RNF4: variants seen among roughly 807,000 people sequenced by gnomAD.
RNF4 encodes E3 ubiquitin-protein ligase RNF4.
Under a neutral mutation model 24.3 loss-of-function variants are expected in RNF4, and 7 were observed. The ratio of observed to expected loss-of-function variants is 0.29; its 90% CI spans 0.16 to 0.54. RNF4 has a LOEUF of 0.54. RNF4 is among the 20% of genes least tolerant of loss of function. RNF4 has a pLI of 0.95. For missense variants in RNF4, 209 were observed against 248.5 expected, an observed-to-expected ratio of 0.84 and a Z score of 1.07; for synonymous variants, 83 against 84.3, an observed-to-expected ratio of 0.98 and a Z score of 0.09.
At chr4:2,485,974 C>G (rs887128124) in intron 1 of RNF4, among the ~76,000 whole-genome samples, 1 of 152,088 alleles carries the variant, frequency 6.6e-6, no homozygotes, top group Non-Finnish European at 1.5e-5. Flanking sequence ...TCAGTGTTCC[C>G]GCTAGTTTCT....
intron 1 of RNF4, among the ~76,000 whole-genome samples, chr4:2,476,267 T>C (rs1735067578): frequency 1.3e-5 from 2 of 152,220 alleles, no homozygotes. Flanking sequence ...TTGCTTCCCT[T>C]GTAAGTACCT....
intron 1 of RNF4, chr4:2,469,510 G>A (rs1734824077): frequency 6.6e-6 from 1 of 152,282 alleles, no homozygotes; most frequent in African/African-American, 2.4e-5. Context: ...GCGGCCATGG[G>A]GCTTAGTTCC....
At chr4:2,471,965 A>G (rs1354929916) in intron 1 of RNF4, among the ~76,000 whole-genome samples, 1 of 152,228 alleles carries the variant, frequency 6.6e-6, no homozygotes, top group Non-Finnish European at 1.5e-5. Context: ...ACATATAGCT[A>G]AAATAATTGA....
chr4:2,481,082 A>T (rs769838110), intron 1 of RNF4: 1 of 152,222 alleles, frequency 6.6e-6, no homozygotes, highest in Non-Finnish European at 1.5e-5. Flanking sequence ...GTTGACTTGT[A>T]TGTGAGCCAC....
chr4:2,503,263 G>A (rs1261180918), intron 4 of RNF4, among the ~76,000 whole-genome samples: 1 of 152,134 alleles, frequency 6.6e-6, no homozygotes, highest in Non-Finnish European at 1.5e-5. Flanking sequence ...CCCTGGGCTA[G>A]GGCTCCATGT....
intron 1 of RNF4, among the ~76,000 whole-genome samples, chr4:2,473,846 T>C (rs1331602399): frequency 6.6e-6 from 1 of 151,520 alleles, no homozygotes; most frequent in Non-Finnish European, 1.5e-5. Flanking sequence ...CTGGGCCTGA[T>C]GGATCACCTG....
Position 2,512,760 on chromosome 4 carries a change from G to T in RNF4, c.374+163G>T, listed in dbSNP as rs1442253329. 6.6e-6 allele frequency among the ~76,000 whole-genome samples: 1 copy of T among 152,208 alleles called. No homozygotes were observed. The highest frequency in any genetic ancestry group is 1.5e-5 in the Non-Finnish European group (1 of 68,038). Reference sequence around the variant, plus strand: ...GGAACTGGGTCCAGAACTGAGTCCAGCTATTCCCACTGTAACCAGAGGATG... The same window carrying T: ...GGAACTGGGTCCAGAACTGAGTCCATCTATTCCCACTGTAACCAGAGGATG... On this transcript the variant is annotated intron_variant, in intron 6 of 7. Coordinates refer to ENST00000314289, the MANE Select transcript of RNF4 (RefSeq NM_002938.5). The surrounding 1 kb of genome is among the most constrained non-coding windows in gnomAD (Gnocchi z 4.1).
intron 2 of RNF4, 65 bp from the exon 3 acceptor site, chr4:2,496,942 T>C: frequency 8.3e-7 from 1 of 1,206,676 alleles, no homozygotes; most frequent in Non-Finnish European, 1.2e-6. Flanking sequence ...ATTGCCCATT[T>C]AGTTCTTCCT....
chr4:2,500,570 A>G lies in RNF4; in HGVS notation c.125-89A>G, dbSNP rs375382833. 1.2e-5 allele frequency: 15 copies of G among 1,236,664 alleles called. No individual in the cohort carries two copies. The African/African-American group carries it at 4.5e-4, about 37-fold the overall frequency. The allele number at this position is 1,236,664 out of a possible 1,614,324, so 76.6% of individuals were successfully genotyped here. A position where few individuals can be genotyped will look rare whatever the true frequency, so the allele number is the denominator to read the frequency against. On this transcript the variant is annotated intron_variant, in intron 3 of 7. Transcript: ENST00000314289. ...GATTGTTTTAGTTTGGGGTAAGCCTATAACATTAGCAGTCATACTAAAGTG... is the reference window on the plus strand; with the variant it reads ...GATTGTTTTAGTTTGGGGTAAGCCTGTAACATTAGCAGTCATACTAAAGTG...
At chr4:2,495,606 G>A (rs1652552601) in intron 2 of RNF4, among the ~76,000 whole-genome samples, 2 of 147,534 alleles carry the variant, frequency 1.4e-5, no homozygotes, top group Admixed American at 1.4e-4. Flanking sequence ...GGAATACAAG[G>A]TGACAGGCTC....
intron 2 of RNF4, among the ~76,000 whole-genome samples, chr4:2,494,164 C>T (rs563910481): frequency 6.6e-6 from 1 of 151,918 alleles, no homozygotes; most frequent in Non-Finnish European, 1.5e-5. Context: ...AGCATTTGAA[C>T]GTAAATTCAA....
chr4:2,477,500 G>T (rs1298070914), intron 1 of RNF4, among the ~76,000 whole-genome samples: 1 of 152,122 alleles, frequency 6.6e-6, no homozygotes, highest in Non-Finnish European at 1.5e-5. Flanking sequence ...CAGGAGAATT[G>T]CTTGAACCCA....
chr4:2,493,741 CT>C (rs1169770751), intron 2 of RNF4, among the ~76,000 whole-genome samples: 1 of 62,424 alleles, frequency 1.6e-5, no homozygotes, highest in African/African-American at 8.5e-5. Flanking sequence ...GAGACTCCGT[CT>C]TAAAAAAAAA....
At chr4:2,493,611 G>T (rs1341377296) in intron 2 of RNF4, among the ~76,000 whole-genome samples, 1 of 151,632 alleles carries the variant, frequency 6.6e-6, no homozygotes. Context: ...AAGCACAGTG[G>T]CGGGTGCCTG....
intron 4 of RNF4, among the ~76,000 whole-genome samples, chr4:2,507,605 T>G (rs574057102): frequency 6.6e-6 from 1 of 152,288 alleles, no homozygotes; most frequent in East Asian, 1.9e-4. Flanking sequence ...GGGTGAACAT[T>G]CCTAGAAATG....
intron 1 of RNF4, among the ~76,000 whole-genome samples, chr4:2,487,117 G>C (rs867521542): frequency 2.6e-5 from 4 of 152,166 alleles, no homozygotes; most frequent in African/African-American, 9.7e-5. Context: ...CACTTACCAG[G>C]TGAGGTGTTG....
rs1033201277 is a variant in RNF4 at position 2,472,560 on chromosome 4, G to A, written c.-158+3302G>A. ...TGAGCTCAGGAGTTAGAGACCAGCC[G>A]GGGCAGCATAGTGAGACCACCCCCT... is the stretch of plus-strand genomic sequence containing the variant. On this transcript the variant is annotated intron_variant, in intron 1 of 7. Transcript: ENST00000314289. Among the ~76,000 whole-genome samples, 20 of 148,806 alleles carry A rather than the reference G, an allele frequency of 1.3e-4. No homozygotes were observed. In the South Asian group the frequency reaches 3.4e-3, roughly 25 times the overall value.
intron 4 of RNF4, among the ~76,000 whole-genome samples, chr4:2,509,364 C>T (rs904042990): frequency 6.6e-6 from 1 of 151,794 alleles, no homozygotes; most frequent in East Asian, 1.9e-4. Context: ...ACTACAGCCA[C>T]GCGCCACCAC....
At chr4:2,507,508 G>A (rs1051235674) in intron 4 of RNF4, among the ~76,000 whole-genome samples, 3 of 152,202 alleles carry the variant, frequency 2.0e-5, no homozygotes, top group Admixed American at 6.5e-5. Flanking sequence ...CACAGTGCTT[G>A]GAGATGGCTG....
Sources: allele counts gnomAD v4.1 joint callset (sites outside exome capture counted in the v4.1 genomes callset), GRCh38; gene constraint gnomAD v4.1.1; non-coding constraint Gnocchi (gnomAD v3.1); transcripts MANE v1.5; gene names NCBI Gene and HGNC (gene_info 2026-07-23, HGNC 2026-07-21).